Variants in RBFOX1 observed in about 807,000 individuals in gnomAD.
RBFOX1 encodes the protein RNA binding fox-1 homolog 1, also known as RNA binding protein fox-1 homolog 1.
RBFOX1 carries 8 observed loss-of-function variants against 57.7 expected under a neutral mutation model. The ratio of observed to expected loss-of-function variants is 0.14; its 90% CI spans 0.08 to 0.25. The LOEUF (loss-of-function observed/expected upper bound fraction) is 0.25. Ranked by LOEUF, RBFOX1 falls within the 10% of genes least tolerant of loss-of-function variation. RBFOX1 has a pLI of 1.00. For missense variants in RBFOX1, 611 were observed against 548.5 expected, an observed-to-expected ratio of 1.11 and a Z score of -1.14; for synonymous variants, 326 against 222.4, an observed-to-expected ratio of 1.47 and a Z score of -4.15.
chr16:5,955,750 ATAT>A (rs2059625523), intron 4 of RBFOX1, among the ~76,000 whole-genome samples: 2 of 152,230 alleles, frequency 1.3e-5, no homozygotes, highest in Admixed American at 1.3e-4. Context: ...CAAAATGGAA[ATAT>A]TAGTATCAGT....
At chr16:6,884,846 C>T (rs1438628439) in intron 3 of RBFOX1, among the ~76,000 whole-genome samples, 1 of 152,106 alleles carries the variant, frequency 6.6e-6, no homozygotes, top group Non-Finnish European at 1.5e-5. Context: ...GGCAGTCAGC[C>T]CAGAGTGCTC....
intron 3 of RBFOX1, among the ~76,000 whole-genome samples, chr16:7,029,242 GTA>G (rs202079627): frequency 3.2e-5 from 2 of 61,824 alleles, no homozygotes; most frequent in East Asian, 6.5e-4. Context: ...ATACGTATAC[GTA>G]TATATATACA....
At chr16:7,271,013 C>A (rs1237836499) in intron 4 of RBFOX1, among the ~76,000 whole-genome samples, 1 of 152,060 alleles carries the variant, frequency 6.6e-6, no homozygotes, top group African/African-American at 2.4e-5. Context: ...TCTTTATTAG[C>A]CCTGCTTAAA....
At chr16:7,073,736 G>A (rs1360660226) in intron 4 of RBFOX1, among the ~76,000 whole-genome samples, 1 of 152,040 alleles carries the variant, frequency 6.6e-6, no homozygotes, top group African/African-American at 2.4e-5. Context: ...GGTGGCACAT[G>A]CCCTTGGTAC....
intron 2 of RBFOX1, among the ~76,000 whole-genome samples, chr16:6,528,077 C>T (rs546430118): frequency 6.6e-6 from 1 of 152,146 alleles, no homozygotes; most frequent in Non-Finnish European, 1.5e-5. Context: ...TCAACAAAAT[C>T]TTGTCACCTT....
intron 2 of RBFOX1, among the ~76,000 whole-genome samples, chr16:6,598,154 A>T (rs565943726): frequency 1.3e-5 from 2 of 152,372 alleles, no homozygotes; most frequent in Admixed American, 1.3e-4. Flanking sequence ...TCACACACAC[A>T]TCTGTTTCCT....
chr16:5,668,403 C>T (rs2049915728), intron 3 of RBFOX1, among the ~76,000 whole-genome samples: 1 of 152,184 alleles, frequency 6.6e-6, no homozygotes, highest in African/African-American at 2.4e-5. Context: ...TAACACAGAG[C>T]TTTAGAAACC....
intron 3 of RBFOX1, among the ~76,000 whole-genome samples, chr16:6,807,565 C>T (rs1227185511): frequency 6.6e-6 from 1 of 152,044 alleles, no homozygotes; most frequent in Non-Finnish European, 1.5e-5. Context: ...CACCTGTAAT[C>T]CCAGCACTTT....
chr16:5,367,504 G>A (rs34556704), intron 1 of RBFOX1, among the ~76,000 whole-genome samples: 31,200 of 152,114 alleles, frequency 0.21, 3,585 homozygotes, highest in Non-Finnish European at 0.25. Context: ...GGGCAACAGG[G>A]AAGGAGGAGC....
At chr16:6,452,251 CA>C (rs1445588310) in intron 2 of RBFOX1, among the ~76,000 whole-genome samples, 3 of 151,786 alleles carry the variant, frequency 2.0e-5, no homozygotes, top group South Asian at 2.1e-4. Context: ...TGACTCCATC[CA>C]TGACTCCATC....
intron 3 of RBFOX1, among the ~76,000 whole-genome samples, chr16:6,688,839 C>A (rs1004731697): frequency 1.3e-5 from 2 of 152,080 alleles, no homozygotes; most frequent in Non-Finnish European, 2.9e-5. Flanking sequence ...TCCCTGTGTC[C>A]ATGTGTTCTC....
chr16:7,360,614 A>G (rs1348929373), intron 4 of RBFOX1, among the ~76,000 whole-genome samples: 1 of 152,206 alleles, frequency 6.6e-6, no homozygotes, highest in Non-Finnish European at 1.5e-5. Context: ...GCCACAACAA[A>G]GGCAAAGGAA....
intron 4 of RBFOX1, among the ~76,000 whole-genome samples, chr16:7,309,699 G>A (rs1467102185): frequency 6.6e-6 from 1 of 152,024 alleles, no homozygotes; most frequent in East Asian, 1.9e-4. Flanking sequence ...TATTCATATT[G>A]GCCGGGTGAA....
chr16:6,655,402 A>AAAAAAAAAAAAAAAAC (rs1716433419), intron 3 of RBFOX1, among the ~76,000 whole-genome samples: 1 of 139,918 alleles, frequency 7.1e-6, no homozygotes, highest in African/African-American at 2.8e-5. Flanking sequence ...AAAAAAAAAA[A>AAAAAAAAAAAAAAAAC]AGAGCTCGCG....
At chr16:6,013,070 T>C (rs1326320109) in intron 4 of RBFOX1, among the ~76,000 whole-genome samples, 1 of 152,184 alleles carries the variant, frequency 6.6e-6, no homozygotes, top group East Asian at 1.9e-4. Context: ...TCATCATTGT[T>C]GTCATTGTCC....
chr16:5,551,090 G>A (rs1340532090), intron 2 of RBFOX1, among the ~76,000 whole-genome samples: 1 of 152,126 alleles, frequency 6.6e-6, no homozygotes, highest in African/African-American at 2.4e-5. Context: ...CTTACTTGCT[G>A]GGAGGTTTCT....
intron 3 of RBFOX1, among the ~76,000 whole-genome samples, chr16:6,744,903 G>T (rs1359986017): frequency 6.6e-6 from 1 of 151,992 alleles, no homozygotes; most frequent in Non-Finnish European, 1.5e-5. Context: ...AAAAGCTGGT[G>T]TTTTGAGAAA....
chr16:6,535,432 AC>A (rs55822683), intron 2 of RBFOX1, among the ~76,000 whole-genome samples: 140,373 of 152,144 alleles, frequency 0.92, 65,622 homozygotes, highest in Non-Finnish European at 1. Context: ...TCAGAAAAGA[AC>A]CCCTATGCAT....
At chr16:6,230,919 G>C (rs184102512) in intron 1 of RBFOX1, among the ~76,000 whole-genome samples, 4 of 152,176 alleles carry the variant, frequency 2.6e-5, no homozygotes, top group Non-Finnish European at 4.4e-5. Flanking sequence ...AGTGTCAAAT[G>C]TTGGTAGAAA....
Sources: allele counts gnomAD v4.1 joint callset (sites outside exome capture counted in the v4.1 genomes callset), GRCh38; gene constraint gnomAD v4.1.1; transcripts MANE v1.5; gene names NCBI Gene and HGNC (gene_info 2026-07-23, HGNC 2026-07-21).